Variants in ZNF695 observed in about 807,000 individuals in gnomAD.
ZNF695 encodes zinc finger protein SBZF3.
Under a neutral mutation model 11.2 loss-of-function variants are expected in ZNF695, and 11 were observed. The ratio of observed to expected loss-of-function variants is 0.98; its 90% CI spans 0.62 to 1.62. ZNF695 has a LOEUF of 1.62. Ranked by LOEUF, ZNF695 falls within the 40% of genes most tolerant of loss-of-function variation. The probability of loss-of-function intolerance (pLI) is 0.00; values close to 1 mark genes in which losing one functional copy is unlikely to be tolerated. For missense variants in ZNF695, 559 were observed against 590.5 expected (o/e 0.95, Z 0.55); for synonymous variants, 190 against 201.4 (o/e 0.94, Z 0.48).
At chr1:247,005,842 G>A (rs2103035340) in intron 1 of ZNF695, among the ~76,000 whole-genome samples, 1 of 152,316 alleles carries the variant, frequency 6.6e-6, no homozygotes, top group Non-Finnish European at 1.5e-5. Context: ...GACACTGGCT[G>A]AGTAAAGATT....
At chr1:246,952,681 G>A (rs1443219066) in intron 5 of ZNF695, among the ~76,000 whole-genome samples, 2 of 151,808 alleles carry the variant, frequency 1.3e-5, no homozygotes, top group South Asian at 2.1e-4. Flanking sequence ...TGGGTAGCTG[G>A]GACTACAGGT....
intron 5 of ZNF695, among the ~76,000 whole-genome samples, chr1:246,951,455 A>G (rs1456912198): frequency 6.6e-6 from 1 of 152,242 alleles, no homozygotes; most frequent in African/African-American, 2.4e-5. Context: ...TGGGCGAGGC[A>G]AGGAAGGATT....
downstream of ZNF695, among the ~76,000 whole-genome samples, chr1:246,983,834 C>A (rs1438275547): frequency 1.3e-5 from 2 of 150,190 alleles, no homozygotes; most frequent in African/African-American, 2.5e-5. Context: ...AACAAACAAA[C>A]AAACAAAAAT....
intron 5 of ZNF695, among the ~76,000 whole-genome samples, chr1:246,947,432 A>G (rs1163283831): frequency 3.9e-5 from 6 of 152,038 alleles, no homozygotes; most frequent in Non-Finnish European, 8.8e-5. Context: ...GTGACTCACA[A>G]TTGCCTCTCA....
At chr1:246,945,907 CG>C in intron 5 of ZNF695, 1 of 1,512,378 alleles carries the variant, frequency 6.6e-7, no homozygotes, top group East Asian at 2.5e-5. Context: ...GGTGTTAAAC[CG>C]GTTCTGATTG....
At chr1:246,983,040 G>A (rs1225385293), downstream of ZNF695, among the ~76,000 whole-genome samples, 3 of 151,774 alleles carry the variant, frequency 2.0e-5, no homozygotes, top group Non-Finnish European at 4.4e-5. Context: ...TGTCTCTACT[G>A]AAAATACAAA....
intron 3 of ZNF695, chr1:246,995,909 A>G: frequency 2.8e-6 from 1 of 353,502 alleles, no homozygotes; most frequent in Non-Finnish European, 5.5e-6. Flanking sequence ...ACAGAATAGA[A>G]AACACAGAAA....
rs566208141 is a variant in ZNF695 at position 246,986,546 on chromosome 1, T to G, written c.*421A>C. 5.0e-6 allele frequency: 5 copies of G among 991,596 alleles called. No individual in the cohort carries two copies. The Admixed American group carries it at 2.9e-4, about 58-fold the overall frequency. 61.4% of individuals were successfully genotyped at this position (991,596 alleles called of 1,614,324 possible). On this transcript the variant is annotated 3_prime_UTR_variant, in exon 4 of 4. Coordinates refer to ENST00000339986, the MANE Select transcript of ZNF695 (RefSeq NM_020394.5). ...CTTGGATGTGTTTTGATGTAATTTT[T>G]GATTAGACATTTTTTCACATTTACT...
rs1358474074 is a variant in ZNF695 at position 246,999,380 on chromosome 1, T to A, written c.227A>T (p.Asn76Ile). 1.2e-6 allele frequency: 2 copies of A among 1,614,116 alleles called. No homozygotes were observed. The highest frequency in any genetic ancestry group is 8.5e-7 in the Non-Finnish European group (1 of 1,179,998). The change falls in exon 3 of 4, where the codon AAC (asparagine) becomes ATC (isoleucine). Residue 76 changes from asparagine to isoleucine, a missense_variant. Asn to Ile is a moderately radical substitution (Grantham distance 149). Transcript: ENST00000339986. ...ICLEARKEPW[N>I]VNTEKTARHS... The stretch of plus-strand genomic sequence containing the variant: ...TCTGGCTGTCTTCTCTGTGTTCACG[T>A]TCCAGGGCTCTTTCCTTGCCTCCAG...
intron 5 of ZNF695, chr1:246,966,954 T>C: frequency 2.3e-6 from 1 of 427,184 alleles, no homozygotes; most frequent in East Asian, 7.1e-5. Context: ...TTTTTATTTT[T>C]TGAGACAGAG....
chr1:246,997,777 G>A (rs771763049), intron 3 of ZNF695, among the ~76,000 whole-genome samples: 3 of 152,162 alleles, frequency 2.0e-5, no homozygotes, highest in Non-Finnish European at 2.9e-5. Flanking sequence ...ATACTAAGTC[G>A]CTAAGTGAAA....
rs756319828 is a variant in ZNF695 at position 246,988,175 on chromosome 1, A to G, written c.340T>C (p.Tyr114His). Residue 114 changes from tyrosine to histidine, a missense_variant, in exon 4 of 4, where the codon TAT (tyrosine) becomes CAT (histidine). Transcript: ENST00000339986. ...VSFQKVMLRR[Y>H]ERCCLEKLRL... ...AATTTCTCAAGACAACATCTTTCAT[A>G]TCTTCTCAGCATCACTTTTTGGAAT... is the stretch of plus-strand genomic sequence containing the variant. 4.3e-6 allele frequency: 7 copies of G among 1,612,374 alleles called. No homozygotes were observed. The highest frequency in any genetic ancestry group is 1.3e-5 in the African/African-American group (1 of 74,976).
chr1:246,995,829 A>G (rs971063797), intron 3 of ZNF695, among the ~76,000 whole-genome samples: 1 of 151,620 alleles, frequency 6.6e-6, no homozygotes, highest in Admixed American at 6.6e-5. Flanking sequence ...AAAAAAAAAA[A>G]AAAAAAAAGA....
At chr1:246,975,414 T>C (rs1024233158) in intron 4 of ZNF695, among the ~76,000 whole-genome samples, 6 of 152,246 alleles carry the variant, frequency 3.9e-5, no homozygotes, top group Non-Finnish European at 8.8e-5. Flanking sequence ...ATGCAATCTA[T>C]ATAAATCCAT....
At chr1:246,996,564 A>C (rs995185772) in intron 3 of ZNF695, among the ~76,000 whole-genome samples, 1 of 152,230 alleles carries the variant, frequency 6.6e-6, no homozygotes, top group East Asian at 1.9e-4. Context: ...CCACAATGGA[A>C]TATTACTCAG....
At chr1:246,983,700 C>T (rs1381318101), downstream of ZNF695, among the ~76,000 whole-genome samples, 2 of 151,976 alleles carry the variant, frequency 1.3e-5, no homozygotes, top group African/African-American at 4.8e-5. Flanking sequence ...TGCCTGTAAT[C>T]GCAGCTACTT....
chr1:246,982,987 A>T (rs1423557695), downstream of ZNF695, among the ~76,000 whole-genome samples: 1 of 150,398 alleles, frequency 6.6e-6, no homozygotes, highest in Non-Finnish European at 1.5e-5. Flanking sequence ...GTGGATCATG[A>T]GGTCAGGAGA....
intron 2 of ZNF695, 40 bp downstream of exon 2, chr1:246,999,872 C>A: frequency 6.2e-7 from 1 of 1,600,208 alleles, no homozygotes; most frequent in South Asian, 1.1e-5. Context: ...TCAGAAACTC[C>A]CAGAAAACAT....
intron 4 of ZNF695, among the ~76,000 whole-genome samples, chr1:246,975,266 T>C (rs182362433): frequency 1.2e-4 from 19 of 152,350 alleles, no homozygotes; most frequent in Admixed American, 2.6e-4. Context: ...ATGAGTGATA[T>C]GCTGTTGGCA....
Sources: allele counts gnomAD v4.1 joint callset (sites outside exome capture counted in the v4.1 genomes callset), GRCh38; gene constraint gnomAD v4.1.1; transcripts MANE v1.5; gene names NCBI Gene and HGNC (gene_info 2026-07-23, HGNC 2026-07-21).